The following KCNH1 variants were observed in gnomAD, a reference collection of about 807,000 sequenced individuals.
The protein encoded by KCNH1 is voltage-gated delayed rectifier potassium channel KCNH1.
Under a neutral mutation model 69.2 loss-of-function variants are expected in KCNH1, and 27 were observed. The ratio of observed to expected loss-of-function variants is 0.39; its 90% CI spans 0.29 to 0.54. The LOEUF (loss-of-function observed/expected upper bound fraction) is 0.54. KCNH1 is among the 20% of genes least tolerant of loss of function. The pLI is 0.68. For synonymous variants in KCNH1, 456 were observed against 487.7 expected (o/e 0.93, Z 0.86); for missense variants, 798 against 1,261.6 (o/e 0.63, Z 5.57).
rs550243059 is a variant in KCNH1, at chr1:210,989,014, T to C, written c.1032+29769A>G. 2.6e-5 allele frequency among the ~76,000 whole-genome samples: 4 copies of C among 152,220 alleles called. No homozygotes were observed. In the East Asian group the frequency reaches 7.7e-4, roughly 29 times the overall value. ...GTTCAATGTAGCTCCTTAGATAACATTTTTTTTCTTTTTGCAAAAGTGGTG... is the reference window on the plus strand; with the variant it reads ...GTTCAATGTAGCTCCTTAGATAACACTTTTTTTCTTTTTGCAAAAGTGGTG... On this transcript the variant is annotated intron_variant, in intron 6 of 10. Coordinates refer to ENST00000271751, the MANE Select transcript of KCNH1 (RefSeq NM_172362.3).
intron 6 of KCNH1, among the ~76,000 whole-genome samples, chr1:210,972,134 A>G (rs1574370617): frequency 6.6e-6 from 1 of 152,006 alleles, no homozygotes; most frequent in East Asian, 1.9e-4. Flanking sequence ...TTTTTTCCCT[A>G]TTATTTTTCC....
chr1:210,756,879 G>A (rs1683411024), intron 10 of KCNH1, among the ~76,000 whole-genome samples: 1 of 152,184 alleles, frequency 6.6e-6, no homozygotes, highest in African/African-American at 2.4e-5. Context: ...GGTCAGGAAG[G>A]AGCTAGAAAC....
At chr1:210,934,202 C>A (rs1033872908) in intron 6 of KCNH1, among the ~76,000 whole-genome samples, 1 of 152,120 alleles carries the variant, frequency 6.6e-6, no homozygotes, top group Non-Finnish European at 1.5e-5. Context: ...TATAAAACTG[C>A]AAAGCTTCTG....
At chr1:210,712,595 G>A (rs949472820) in intron 10 of KCNH1, among the ~76,000 whole-genome samples, 2 of 152,160 alleles carry the variant, frequency 1.3e-5, no homozygotes, top group Non-Finnish European at 2.9e-5. Flanking sequence ...TTTTCCTTCT[G>A]CTGGTATGAC....
intron 5 of KCNH1, among the ~76,000 whole-genome samples, chr1:211,031,742 C>G (rs965261426): frequency 6.6e-6 from 1 of 152,110 alleles, no homozygotes; most frequent in Non-Finnish European, 1.5e-5. Flanking sequence ...AATCAATTAG[C>G]TATTGATGGG....
chr1:210,856,715 TGG>T (rs770817235), intron 7 of KCNH1, among the ~76,000 whole-genome samples: 1,558 of 149,020 alleles, frequency 0.01, 12 homozygotes, highest in South Asian at 0.017. Flanking sequence ...ATCTTGGTAA[TGG>T]TTCTTACCCA....
At chr1:210,738,314 A>G (rs7514108) in intron 10 of KCNH1, among the ~76,000 whole-genome samples, 128,760 of 152,216 alleles carry the variant, frequency 0.85, 54,554 homozygotes, top group African/African-American at 0.9. Flanking sequence ...CAGTGACCGT[A>G]TTCACTGATG....
intron 10 of KCNH1, among the ~76,000 whole-genome samples, chr1:210,709,253 G>A (rs934328124): frequency 1.3e-5 from 2 of 152,194 alleles, no homozygotes; most frequent in Non-Finnish European, 2.9e-5. Context: ...TGTCTCAAAG[G>A]TGGGGGAGAT....
chr1:211,006,250 G>T (rs931959717), intron 6 of KCNH1, among the ~76,000 whole-genome samples: 1 of 152,102 alleles, frequency 6.6e-6, no homozygotes, highest in Admixed American at 6.5e-5. Flanking sequence ...CTTTCTAACA[G>T]AAATCAGGGT....
Position 211,019,139 on chromosome 1 carries a change from T to A in KCNH1, c.676A>T (p.Ile226Phe). Reference protein sequence around the residue: ...FKTTWDWIILILTFYTAILVP... With the variant: ...FKTTWDWIILFLTFYTAILVP... ...AAGATGGCTGTATAGAAGGTCAAGA[T>A]CAAGATGATCCAATCCCACGTGGTC... is the stretch of plus-strand genomic sequence containing the variant. Residue 226 changes from isoleucine to phenylalanine, a missense_variant, in exon 6 of 11, where the codon ATC becomes TTC. Physicochemically the swap from Ile to Phe is conservative, Grantham distance 21. Coordinates refer to ENST00000271751, the MANE Select transcript of KCNH1 (RefSeq NM_172362.3). 1 of 1,613,966 alleles carries A rather than the reference T, an allele frequency of 6.2e-7. No homozygotes were observed. The highest frequency in any genetic ancestry group is 8.5e-7 in the Non-Finnish European group (1 of 1,179,924).
chr1:210,895,036 T>A (rs939980446), intron 7 of KCNH1, among the ~76,000 whole-genome samples: 1 of 152,170 alleles, frequency 6.6e-6, no homozygotes, highest in African/African-American at 2.4e-5. Context: ...TAAACTGGGG[T>A]AATCATAGGG....
chr1:210,789,911 C>A (rs1684180034), intron 9 of KCNH1, among the ~76,000 whole-genome samples: 1 of 152,156 alleles, frequency 6.6e-6, no homozygotes, highest in South Asian at 2.1e-4. Flanking sequence ...CCATTTCTTT[C>A]TCTTTTTAGA....
intron 7 of KCNH1, among the ~76,000 whole-genome samples, chr1:210,881,506 C>G (rs1267014523): frequency 6.6e-6 from 1 of 152,144 alleles, no homozygotes; most frequent in East Asian, 1.9e-4. Context: ...TCCAGCAATC[C>G]TACTACTTGT....
rs557779624 is a variant in KCNH1 at position 211,097,421 on chromosome 1, C to T, written c.310+6075G>A. ...GGAAAACGCTGACATAAAACTTGTT[C>T]ACTTCTAAATGGTTTTTAAAAAAAA... On this transcript the variant is annotated intron_variant, in intron 3 of 10. Coordinates refer to ENST00000271751, the MANE Select transcript of KCNH1 (RefSeq NM_172362.3). Among the ~76,000 whole-genome samples, 240 of 151,930 alleles carry T rather than the reference C, an allele frequency of 1.6e-3. 1 individual carries two copies. The highest frequency in any genetic ancestry group is 5.4e-3 in the African/African-American group (223 of 41,474).
intron 7 of KCNH1, among the ~76,000 whole-genome samples, chr1:210,854,987 C>T (rs2102471858): frequency 6.6e-6 from 1 of 152,296 alleles, no homozygotes; most frequent in African/African-American, 2.4e-5. Flanking sequence ...GTGTCTGGGG[C>T]TCACTTCTTA....
intron 7 of KCNH1, among the ~76,000 whole-genome samples, chr1:210,911,427 T>C: frequency 6.6e-6 from 1 of 152,138 alleles, no homozygotes; most frequent in East Asian, 1.9e-4. Context: ...ATGTCAATTA[T>C]AATGTGGAGA....
chr1:210,938,123 G>A (rs576411355), intron 6 of KCNH1, among the ~76,000 whole-genome samples: 1 of 152,298 alleles, frequency 6.6e-6, no homozygotes, highest in African/African-American at 2.4e-5. Flanking sequence ...CTAACTTGGA[G>A]AATGTGCTCT....
At chr1:210,747,417 C>T (rs2149040508) in intron 10 of KCNH1, among the ~76,000 whole-genome samples, 1 of 151,946 alleles carries the variant, frequency 6.6e-6, no homozygotes, top group Non-Finnish European at 1.5e-5. Flanking sequence ...TCACTTCATT[C>T]CCCAGTTTCT....
At chr1:211,014,124 C>T (rs904221590) in intron 6 of KCNH1, among the ~76,000 whole-genome samples, 12 of 152,206 alleles carry the variant, frequency 7.9e-5, no homozygotes, top group Admixed American at 4.6e-4. Flanking sequence ...AGGGCACCAG[C>T]ATTGTCACCT....
Sources: allele counts gnomAD v4.1 joint callset (sites outside exome capture counted in the v4.1 genomes callset), GRCh38; gene constraint gnomAD v4.1.1; transcripts MANE v1.5; gene names NCBI Gene and HGNC (gene_info 2026-07-23, HGNC 2026-07-21).